The following CYRIA variants were observed in gnomAD, a reference collection of about 807,000 sequenced individuals.
CYRIA encodes CYFIP-related Rac1 interactor A.
A neutral mutation model predicts 43.9 loss-of-function variants in CYRIA; 15 were observed. The ratio of observed to expected loss-of-function variants is 0.34; its 90% CI spans 0.23 to 0.53. CYRIA has a LOEUF of 0.53. Ranked by LOEUF, CYRIA falls within the 20% of genes least tolerant of loss-of-function variation. The pLI is 0.94. For synonymous variants in CYRIA, 117 were observed against 136.0 expected (o/e 0.86, Z 0.97); for missense variants, 236 against 394.2 (o/e 0.60, Z 3.40).
chr2:16,587,919 T>G, intron 3 of CYRIA, 131 bp downstream of exon 3: 242 of 563,380 alleles, frequency 4.3e-4, no homozygotes, highest in East Asian at 6.8e-4. Flanking sequence ...ATTAGCAGCA[T>G]GAGAACAGAC....
At chr2:16,592,838 T>G (rs1337189834) in intron 2 of CYRIA, among the ~76,000 whole-genome samples, 1 of 152,210 alleles carries the variant, frequency 6.6e-6, no homozygotes, top group Admixed American at 6.5e-5. Flanking sequence ...CTTCTCTAGT[T>G]TAACCTGTTT....
intron 1 of CYRIA, among the ~76,000 whole-genome samples, chr2:16,662,022 T>C (rs1013160103): frequency 1.3e-5 from 2 of 152,214 alleles, no homozygotes; most frequent in African/African-American, 4.8e-5. Flanking sequence ...ACAGATAGAA[T>C]ATGTTTCTAA....
chr2:16,642,500 G>A (rs572833526), intron 1 of CYRIA, among the ~76,000 whole-genome samples: 1 of 152,120 alleles, frequency 6.6e-6, no homozygotes, highest in Admixed American at 6.5e-5. Context: ...CTGCCGCCAG[G>A]GTCCCCCAGT....
At position 16,551,416 on chromosome 2, in the gene CYRIA, A is replaced by G. The variant is rs1487825345; in HGVS notation, c.*1520T>C. On this transcript the variant is annotated 3_prime_UTR_variant, in exon 12 of 12. Coordinates refer to ENST00000381323, the MANE Select transcript of CYRIA (RefSeq NM_030797.4). ...TATAGACCAGACTGAGGATTTACTTAGAAGGGTTGAATCCCATCCCATAGT... is the reference window on the plus strand; with the variant it reads ...TATAGACCAGACTGAGGATTTACTTGGAAGGGTTGAATCCCATCCCATAGT... The G allele has an allele frequency of 6.6e-6, 1 of 152,186 alleles. No homozygotes were observed. Among genetic ancestry groups the G allele is most frequent in the African/African-American group, 2.4e-5 (1 of 41,454 alleles). 9.4% of individuals were successfully genotyped at this position (152,186 alleles called of 1,614,324 possible). A position where few individuals can be genotyped will look rare whatever the true frequency, so the allele number is the denominator to read the frequency against.
At chr2:16,580,022 A>G (rs1667496034) in intron 3 of CYRIA, among the ~76,000 whole-genome samples, 2 of 151,884 alleles carry the variant, frequency 1.3e-5, no homozygotes, top group East Asian at 3.9e-4. Context: ...ATCTCAGATC[A>G]CTGCAGCCTC....
chr2:16,578,469 T>C (rs966721354), intron 3 of CYRIA, among the ~76,000 whole-genome samples: 2 of 152,150 alleles, frequency 1.3e-5, no homozygotes, highest in African/African-American at 4.8e-5. Flanking sequence ...AAAATAACTA[T>C]AAAAATATGT....
intron 2 of CYRIA, among the ~76,000 whole-genome samples, chr2:16,605,402 C>T (rs977340156): frequency 1.3e-5 from 2 of 152,238 alleles, no homozygotes; most frequent in Non-Finnish European, 2.9e-5. Flanking sequence ...CCCAGGCCAC[C>T]GCTGGGAAGT....
chr2:16,609,974 G>T lies in CYRIA; in HGVS notation c.-11+13890C>A, dbSNP rs112511896. Among the ~76,000 whole-genome samples, 788 of 152,244 alleles carry T rather than the reference G, an allele frequency of 5.2e-3. 4 individuals carry two copies. Among genetic ancestry groups the T allele is most frequent in the African/African-American group, 0.017 (698 of 41,544 alleles). On this transcript the variant is annotated intron_variant, in intron 2 of 11. Coordinates refer to ENST00000381323, the MANE Select transcript of CYRIA (RefSeq NM_030797.4). Reference sequence around the variant, plus strand: ...CATCTGGACACTAAACCTCTACTGAGGTAACCCAAGATGGTACTCAGGGAT... The same window carrying T: ...CATCTGGACACTAAACCTCTACTGATGTAACCCAAGATGGTACTCAGGGAT...
At chr2:16,571,187 A>G (rs895889481) in intron 3 of CYRIA, among the ~76,000 whole-genome samples, 2 of 152,366 alleles carry the variant, frequency 1.3e-5, no homozygotes, top group East Asian at 1.9e-4. Context: ...TTGCAATAGC[A>G]TAAGTACCTT....
Position 16,552,833 on chromosome 2 carries a change from C to A in CYRIA, c.*103G>T. On this transcript the variant is annotated 3_prime_UTR_variant, in exon 12 of 12. Coordinates refer to ENST00000381323, the MANE Select transcript of CYRIA (RefSeq NM_030797.4). ...ATATATTTCAGTGACAAGAAGGAAA[C>A]GGTTATGTAAATACACAAGTATTAA... 1 of 761,362 alleles carries A rather than the reference C, an allele frequency of 1.3e-6. No individual in the cohort carries two copies. Among genetic ancestry groups the A allele is most frequent in the Non-Finnish European group, 2.3e-6 (1 of 436,382 alleles). The allele number at this position is 761,362 out of a possible 1,614,324, so 47.2% of individuals were successfully genotyped here. A position where few individuals can be genotyped will look rare whatever the true frequency, so the allele number is the denominator to read the frequency against.
At chr2:16,554,119 T>G (rs1470057237) in intron 11 of CYRIA, among the ~76,000 whole-genome samples, 5 of 152,166 alleles carry the variant, frequency 3.3e-5, no homozygotes, top group Admixed American at 1.3e-4. Flanking sequence ...TGACTTGTGA[T>G]GATTAAATGA....
rs759795521 is a variant in CYRIA at position 16,646,296 on chromosome 2, T to A, written c.-167+19484A>T. ...CAAGCAGCTTCATCCATTTCTTCTG[T>A]GTGCTGTACAAATATGACCATTTTC... On this transcript the variant is annotated intron_variant, in intron 1 of 11. Transcript: ENST00000381323. Among the ~76,000 whole-genome samples, 9 of 152,234 alleles carry A rather than the reference T, an allele frequency of 5.9e-5. No individual in the cohort carries two copies. The South Asian group carries it at 1.2e-3, about 21-fold the overall frequency.
intron 3 of CYRIA, among the ~76,000 whole-genome samples, chr2:16,586,818 A>G (rs1273401841): frequency 6.6e-6 from 1 of 152,108 alleles, no homozygotes; most frequent in East Asian, 1.9e-4. Flanking sequence ...TTAAAGTTTA[A>G]AGTACATTAG....
chr2:16,593,718 GTTT>G lies in CYRIA; in HGVS notation c.-10-5592_-10-5590del, dbSNP rs572181896. On this transcript the variant is annotated intron_variant, in intron 2 of 11. Transcript: ENST00000381323. ...TGTGTGTTTTTTTTTGTGTGTGTGTGTTTTTTTTTTTTTTTTTTTTATTATACT... is the reference window on the plus strand; with the variant it reads ...TGTGTGTTTTTTTTTGTGTGTGTGTGTTTTTTTTTTTTTTTTTATTATACT... Among the ~76,000 whole-genome samples, 278 of 85,828 alleles carry G rather than the reference GTTT, an allele frequency of 3.2e-3. 3 individuals are homozygous for G. Among genetic ancestry groups the G allele is most frequent in the Middle Eastern group, 0.015 (2 of 132 alleles). 56.3% of individuals were successfully genotyped at this position (85,828 alleles called of 152,430 possible). A position where few individuals can be genotyped will look rare whatever the true frequency, so the allele number is the denominator to read the frequency against.
At chr2:16,627,235 G>A (rs879341376) in intron 1 of CYRIA, among the ~76,000 whole-genome samples, 4 of 151,878 alleles carry the variant, frequency 2.6e-5, no homozygotes, top group South Asian at 2.1e-4. Flanking sequence ...ACGGGAGGCC[G>A]AAAGGGCCCC....
At chr2:16,577,437 A>C (rs1180781428) in intron 3 of CYRIA, among the ~76,000 whole-genome samples, 1 of 152,194 alleles carries the variant, frequency 6.6e-6, no homozygotes, top group African/African-American at 2.4e-5. Context: ...ACAAGAAAAC[A>C]AGTTAGATAC....
chr2:16,579,585 G>A (rs535448195), intron 3 of CYRIA, among the ~76,000 whole-genome samples: 13 of 152,192 alleles, frequency 8.5e-5, no homozygotes, highest in African/African-American at 3.1e-4. Flanking sequence ...CAGGTATACT[G>A]TGATAAGTTC....
In CYRIA at chr2:16,552,921, T is replaced by G. The variant is rs1666364470; in HGVS notation, c.*15A>C. 2 of 1,554,966 alleles carry G rather than the reference T, an allele frequency of 1.3e-6. No individual in the cohort carries two copies. The highest frequency in any genetic ancestry group is 1.8e-6 in the Non-Finnish European group (2 of 1,126,108). ...TCTGAGGTCAGCACATAGATCCTCT[T>G]CTTTGAGCAGAGCTCTACTGAAGCA... On this transcript the variant is annotated 3_prime_UTR_variant, in exon 12 of 12. Coordinates refer to ENST00000381323, the MANE Select transcript of CYRIA (RefSeq NM_030797.4).
intron 1 of CYRIA, among the ~76,000 whole-genome samples, chr2:16,663,894 G>A (rs950019958): frequency 1.3e-5 from 2 of 152,054 alleles, no homozygotes; most frequent in African/African-American, 4.8e-5. Context: ...ACAGGACCAG[G>A]GAGCCCAACA....
Sources: gnomAD v4.1 joint callset for allele counts (sites outside exome capture counted in the v4.1 genomes callset) on GRCh38, gnomAD v4.1.1 for gene constraint, MANE v1.5 for transcripts, NCBI Gene and HGNC (gene_info 2026-07-23, HGNC 2026-07-21) for gene names.